Variants in KCNK2 observed in about 807,000 individuals in gnomAD.
KCNK2 encodes potassium channel subfamily K member 2.
KCNK2 carries 21 observed loss-of-function variants against 40.5 expected under a neutral mutation model. The observed-to-expected ratio is 0.52, with a 90% confidence interval of 0.37 to 0.75. The LOEUF is 0.75. Ranked by LOEUF, KCNK2 falls within the 30% of genes least tolerant of loss-of-function variation. The pLI is 0.00. For missense variants in KCNK2, 399 were observed against 531.6 expected (o/e 0.75, Z 2.45); for synonymous variants, 191 against 202.2 (o/e 0.94, Z 0.47).
Position 215,235,210 on chromosome 1 carries a change from T to C in KCNK2, c.*65T>C. ...GACTTCTCTATGCTCTTTATGACTGTTGCTGGTAGCATTTTTTAAATTGTG... is the reference window on the plus strand; with the variant it reads ...GACTTCTCTATGCTCTTTATGACTGCTGCTGGTAGCATTTTTTAAATTGTG... On this transcript the variant is annotated 3_prime_UTR_variant, in exon 7 of 7. Transcript: ENST00000444842. The C allele has an allele frequency of 4.4e-6, 6 of 1,362,726 alleles. No homozygotes were observed. Among genetic ancestry groups the C allele is most frequent in the Non-Finnish European group, 6.0e-6 (6 of 997,166 alleles). The allele number at this position is 1,362,726 out of a possible 1,614,324, so 84.4% of individuals were successfully genotyped here.
At chr1:215,165,939 G>T (rs1663424220) in intron 3 of KCNK2, among the ~76,000 whole-genome samples, 1 of 152,106 alleles carries the variant, frequency 6.6e-6, no homozygotes, top group African/African-American at 2.4e-5. Context: ...CTCTTGCTAG[G>T]TTTTCTCTTG....
chr1:215,182,478 TC>T (rs1236580293), intron 5 of KCNK2, among the ~76,000 whole-genome samples: 2 of 152,094 alleles, frequency 1.3e-5, no homozygotes, highest in African/African-American at 4.8e-5. Flanking sequence ...CAGGGGAGCA[TC>T]CTGGGCACTC....
chr1:215,053,226 A>G (rs1178384221), intron 1 of KCNK2, among the ~76,000 whole-genome samples: 3 of 151,966 alleles, frequency 2.0e-5, no homozygotes, highest in East Asian at 1.9e-4. Flanking sequence ...TGAAAACCAA[A>G]CTCTCAGAAG....
At chr1:215,048,874 G>A (rs1488984455) in intron 1 of KCNK2, among the ~76,000 whole-genome samples, 4 of 152,118 alleles carry the variant, frequency 2.6e-5, no homozygotes, top group African/African-American at 9.7e-5. Context: ...GTATCCCGTG[G>A]CATGATGTAC....
intron 3 of KCNK2, among the ~76,000 whole-genome samples, chr1:215,141,821 T>A (rs11120507): frequency 0.63 from 94,977 of 151,736 alleles, 31,709 homozygotes; most frequent in Non-Finnish European, 0.75. Context: ...AGAGATTTTT[T>A]AAAAATCCTG....
chr1:215,071,845 G>C (rs897241953), intron 1 of KCNK2, among the ~76,000 whole-genome samples: 2 of 152,258 alleles, frequency 1.3e-5, no homozygotes, highest in East Asian at 3.9e-4. Context: ...CCCATAAACA[G>C]TGATCCAGCG....
At chr1:215,209,454 T>A (rs376911129) in intron 6 of KCNK2, among the ~76,000 whole-genome samples, 16 of 15,818 alleles carry the variant, frequency 1.0e-3, no homozygotes, top group East Asian at 7.3e-3. Context: ...TAATATATAT[T>A]ATATATTATA....
intron 3 of KCNK2, among the ~76,000 whole-genome samples, chr1:215,167,539 G>A (rs139457097): frequency 6.6e-6 from 1 of 152,166 alleles, no homozygotes; most frequent in East Asian, 1.9e-4. Context: ...AAATGAAGTT[G>A]AGCTACTTGA....
intron 3 of KCNK2, among the ~76,000 whole-genome samples, chr1:215,135,985 A>G (rs4548407): frequency 0.77 from 116,929 of 152,122 alleles, 45,243 homozygotes; most frequent in Non-Finnish European, 0.79. Context: ...CACCCACCTC[A>G]GCCTCCCGAA....
intron 1 of KCNK2, among the ~76,000 whole-genome samples, chr1:215,021,089 T>C (rs17024077): frequency 0.053 from 8,052 of 152,278 alleles, 665 homozygotes; most frequent in African/African-American, 0.18. Flanking sequence ...ATTAAGAACA[T>C]ATTTTTTAAC....
intron 3 of KCNK2, among the ~76,000 whole-genome samples, chr1:215,131,193 T>C (rs1290913067): frequency 6.6e-6 from 1 of 151,624 alleles, no homozygotes; most frequent in Non-Finnish European, 1.5e-5. Context: ...TTTTTAATCT[T>C]ATCAGTTAAA....
intron 1 of KCNK2, among the ~76,000 whole-genome samples, chr1:215,054,942 C>T (rs965008639): frequency 1.3e-5 from 2 of 152,066 alleles, no homozygotes; most frequent in African/African-American, 4.8e-5. Context: ...CTAATTTGAA[C>T]CTTGAGCACA....
intron 1 of KCNK2, among the ~76,000 whole-genome samples, chr1:215,029,376 T>C (rs1657105852): frequency 1.1e-5 from 1 of 91,774 alleles, no homozygotes; most frequent in Non-Finnish European, 2.4e-5. Context: ...TCACATAGCA[T>C]ATAATCTATT....
At chr1:215,078,456 C>T (rs1223037294), upstream of KCNK2, among the ~76,000 whole-genome samples, 3 of 152,144 alleles carry the variant, frequency 2.0e-5, no homozygotes, top group African/African-American at 7.2e-5. Flanking sequence ...AGGAAACTTA[C>T]AGTCATGGCA....
chr1:215,138,499 T>C (rs1021634226), intron 3 of KCNK2, among the ~76,000 whole-genome samples: 1 of 152,110 alleles, frequency 6.6e-6, no homozygotes, highest in African/African-American at 2.4e-5. Context: ...AGCGGCTCAC[T>C]CTTATAATCC....
intron 6 of KCNK2, among the ~76,000 whole-genome samples, chr1:215,226,210 T>C (rs920998616): frequency 2.0e-5 from 3 of 152,240 alleles, no homozygotes; most frequent in Non-Finnish European, 4.4e-5. Context: ...CTTTGCTCCA[T>C]TGAAAAGCTA....
intron 2 of KCNK2, among the ~76,000 whole-genome samples, chr1:215,115,456 T>C (rs555973093): frequency 1.3e-5 from 2 of 152,254 alleles, no homozygotes; most frequent in South Asian, 2.1e-4. Context: ...AGAAAAATAA[T>C]GTGTAAATAA....
At chr1:215,130,051 G>T (rs1448271210) in intron 3 of KCNK2, among the ~76,000 whole-genome samples, 1 of 152,134 alleles carries the variant, frequency 6.6e-6, no homozygotes, top group Non-Finnish European at 1.5e-5. Flanking sequence ...ACTACTGGTG[G>T]GCTGCTAGAT....
chr1:215,143,489 A>G (rs1445296580), intron 3 of KCNK2, among the ~76,000 whole-genome samples: 3 of 152,194 alleles, frequency 2.0e-5, no homozygotes, highest in Admixed American at 2.0e-4. Context: ...GGTATGTGCC[A>G]GGTTTTAAGT....
Sources: allele counts gnomAD v4.1 joint callset (sites outside exome capture counted in the v4.1 genomes callset), GRCh38; gene constraint gnomAD v4.1.1; transcripts MANE v1.5; gene names NCBI Gene and HGNC (gene_info 2026-07-23, HGNC 2026-07-21).